Variants in CACNA2D1 observed in about 807,000 individuals in gnomAD.
CACNA2D1 encodes the protein calcium voltage-gated channel auxiliary subunit alpha2delta 1.
A neutral mutation model predicts 171.5 loss-of-function variants in CACNA2D1; 53 were observed. That is an observed-to-expected ratio of 0.31 (90% CI 0.25 to 0.39). CACNA2D1 has a LOEUF of 0.39. Ranked by LOEUF, CACNA2D1 falls within the 10% of genes least tolerant of loss-of-function variation. The pLI is 1.00. For synonymous variants in CACNA2D1, 442 were observed against 443.1 expected (o/e 1.00, Z 0.03); for missense variants, 903 against 1,299.8 (o/e 0.69, Z 4.69).
intron 3 of CACNA2D1, among the ~76,000 whole-genome samples, chr7:82,261,069 C>T (rs1250241779): frequency 6.6e-6 from 1 of 152,012 alleles, no homozygotes; most frequent in Non-Finnish European, 1.5e-5. Context: ...ATTCTCATGC[C>T]TCAGCCTCCC....
intron 3 of CACNA2D1, among the ~76,000 whole-genome samples, chr7:82,332,099 C>T (rs1298683279): frequency 2.0e-5 from 3 of 152,150 alleles, no homozygotes; most frequent in East Asian, 1.9e-4. Context: ...CTTGCTCTTT[C>T]GCGCAGGCTG....
chr7:82,434,319 AACTT>A (rs1444576331), intron 1 of CACNA2D1, among the ~76,000 whole-genome samples: 9 of 152,186 alleles, frequency 5.9e-5, no homozygotes, highest in Non-Finnish European at 1.2e-4. Context: ...GCCTAATATT[AACTT>A]ACTATTTATT....
At chr7:82,046,162 C>T (rs1804530026) in intron 10 of CACNA2D1, among the ~76,000 whole-genome samples, 1 of 152,112 alleles carries the variant, frequency 6.6e-6, no homozygotes, top group African/African-American at 2.4e-5. Flanking sequence ...AAATATATCT[C>T]TCACACTCTT....
At chr7:82,009,484 G>A (rs147854475) in intron 15 of CACNA2D1, among the ~76,000 whole-genome samples, 6 of 152,076 alleles carry the variant, frequency 3.9e-5, no homozygotes, top group Non-Finnish European at 5.9e-5. Context: ...TCGTAAAACT[G>A]GTATCCAAAA....
chr7:82,071,421 T>A (rs1808306131), intron 7 of CACNA2D1, among the ~76,000 whole-genome samples: 1 of 152,152 alleles, frequency 6.6e-6, no homozygotes, highest in Non-Finnish European at 1.5e-5. Flanking sequence ...TTATCGTAGT[T>A]ACCCAGCAGA....
intron 3 of CACNA2D1, among the ~76,000 whole-genome samples, chr7:82,279,439 G>A (rs1809789616): frequency 6.6e-6 from 1 of 152,138 alleles, no homozygotes; most frequent in Non-Finnish European, 1.5e-5. Context: ...TATAGAATCT[G>A]ATTATCAACC....
rs768079271 is a variant in CACNA2D1, at chr7:81,971,762, A to C, written c.2141+15T>G. 7 of 1,415,758 alleles carry C rather than the reference A, an allele frequency of 4.9e-6. No homozygotes were observed. The South Asian group carries it at 7.0e-5, about 14-fold the overall frequency. The allele number at this position is 1,415,758 out of a possible 1,614,324, so 87.7% of individuals were successfully genotyped here. On this transcript the variant is annotated intron_variant, in intron 26 of 38. Transcript: ENST00000356860. ...TGCAGAATACATATTTTTATTAATA[A>C]GAACAAATACTTACATATTTTTCTG...
At chr7:82,252,180 C>T (rs1410637983) in intron 3 of CACNA2D1, among the ~76,000 whole-genome samples, 1 of 152,086 alleles carries the variant, frequency 6.6e-6, no homozygotes. Context: ...AAGCTTCTTC[C>T]CTTTGCAACA....
At chr7:82,181,671 AAAC>A (rs1797154228) in intron 3 of CACNA2D1, among the ~76,000 whole-genome samples, 1 of 152,240 alleles carries the variant, frequency 6.6e-6, no homozygotes, top group Non-Finnish European at 1.5e-5. Flanking sequence ...GAGGGAAATA[AAAC>A]AACAACTACA....
At chr7:82,276,602 C>T (rs948352791) in intron 3 of CACNA2D1, among the ~76,000 whole-genome samples, 3 of 152,132 alleles carry the variant, frequency 2.0e-5, no homozygotes, top group Non-Finnish European at 2.9e-5. Context: ...TGTGAATTAG[C>T]CAATATATTC....
At chr7:82,193,264 C>A (rs1798523744) in intron 3 of CACNA2D1, among the ~76,000 whole-genome samples, 1 of 151,938 alleles carries the variant, frequency 6.6e-6, no homozygotes. Context: ...ATACTTTGAA[C>A]AATGCACATT....
At chr7:81,960,916 C>G (rs1794036860) in intron 36 of CACNA2D1, among the ~76,000 whole-genome samples, 1 of 152,018 alleles carries the variant, frequency 6.6e-6, no homozygotes, top group African/African-American at 2.4e-5. Context: ...TCCCTTTCCT[C>G]TCCTCTTTAT....
intron 38 of CACNA2D1, among the ~76,000 whole-genome samples, chr7:81,955,980 ATTTTTTTTTTTT>A (rs1164601123): frequency 2.6e-4 from 9 of 34,550 alleles, no homozygotes; most frequent in Admixed American, 1.6e-3. Context: ...ATATATATAT[ATTTTTTTTTTTT>A]TTTTTTTTTT....
chr7:82,184,079 GT>G lies in CACNA2D1; in HGVS notation c.295-13471del, dbSNP rs200629980. ...GGCTGCCAATTCAGTGAGTAGGATG[GT>G]TTTAAAAAAAAAAAAATGAAAAGTG... is the stretch of plus-strand genomic sequence containing the variant. On this transcript the variant is annotated intron_variant, in intron 3 of 38. Transcript: ENST00000356860. Among the ~76,000 whole-genome samples the G allele has an allele frequency of 5.1e-3, 754 of 148,064 alleles. 5 individuals are homozygous for G. The highest frequency in any genetic ancestry group is 0.016 in the African/African-American group (654 of 39,752).
chr7:82,350,448 G>A (rs916519055), intron 1 of CACNA2D1, among the ~76,000 whole-genome samples: 1 of 152,050 alleles, frequency 6.6e-6, no homozygotes, highest in African/African-American at 2.4e-5. Context: ...GGTGGATCAC[G>A]AGGTCAGGAG....
intron 7 of CACNA2D1, among the ~76,000 whole-genome samples, chr7:82,071,335 C>G (rs753151742): frequency 3.9e-5 from 6 of 152,082 alleles, no homozygotes; most frequent in Non-Finnish European, 8.8e-5. Flanking sequence ...GTATTTCTTG[C>G]CTGATAGAAT....
At chr7:82,302,341 C>T (rs190986239) in intron 3 of CACNA2D1, among the ~76,000 whole-genome samples, 48 of 152,050 alleles carry the variant, frequency 3.2e-4, no homozygotes, top group African/African-American at 8.9e-4. Context: ...CATACTTTCA[C>T]GGCCCAATTT....
intron 6 of CACNA2D1, among the ~76,000 whole-genome samples, chr7:82,086,009 G>A (rs968254078): frequency 6.6e-6 from 1 of 152,042 alleles, no homozygotes; most frequent in Admixed American, 6.6e-5. Context: ...AATTTTCTAT[G>A]TAAAATATAC....
At chr7:82,128,008 C>T (rs1056020156) in intron 5 of CACNA2D1, among the ~76,000 whole-genome samples, 8 of 152,142 alleles carry the variant, frequency 5.3e-5, no homozygotes, top group South Asian at 4.2e-4. Context: ...ACTGCAGCCC[C>T]GACCTACTGG....
Sources: gnomAD v4.1 joint callset for allele counts (sites outside exome capture counted in the v4.1 genomes callset) on GRCh38, gnomAD v4.1.1 for gene constraint, MANE v1.5 for transcripts, NCBI Gene and HGNC (gene_info 2026-07-23, HGNC 2026-07-21) for gene names.